DOCK3: variants seen among roughly 807,000 people sequenced by gnomAD.
DOCK3 encodes dedicator of cytokinesis protein 3.
A neutral mutation model predicts 265.6 loss-of-function variants in DOCK3; 60 were observed. The observed-to-expected ratio is 0.23, with a 90% CI of 0.18 to 0.28. The LOEUF (loss-of-function observed/expected upper bound fraction) is 0.28. Among genes scored for constraint, DOCK3 ranks in the 10% least tolerant of loss-of-function variants. The probability of loss-of-function intolerance (pLI) is 1.00; values close to 1 mark genes in which losing one functional copy is unlikely to be tolerated. For missense variants in DOCK3, 1,981 were observed against 2,594.3 expected, an observed-to-expected ratio of 0.76 and a Z score of 5.14; for synonymous variants, 881 against 938.0, an observed-to-expected ratio of 0.94 and a Z score of 1.11.
chr3:50,905,563 T>A (rs1414988530), intron 4 of DOCK3, among the ~76,000 whole-genome samples: 1 of 152,144 alleles, frequency 6.6e-6, no homozygotes, highest in Non-Finnish European at 1.5e-5. Flanking sequence ...GCTCTCTGTT[T>A]GTCTGTTATT....
At chr3:50,939,901 G>T (rs1482371699) in intron 5 of DOCK3, among the ~76,000 whole-genome samples, 1 of 152,062 alleles carries the variant, frequency 6.6e-6, no homozygotes, top group Non-Finnish European at 1.5e-5. Flanking sequence ...AGATAGAAAG[G>T]AATAAATAAA....
chr3:50,824,149 G>C (rs1355396898), intron 2 of DOCK3, among the ~76,000 whole-genome samples: 2 of 151,970 alleles, frequency 1.3e-5, no homozygotes, highest in East Asian at 3.9e-4. Context: ...GGTTGTATGG[G>C]GCTTGCTCTT....
intron 1 of DOCK3, among the ~76,000 whole-genome samples, chr3:50,765,446 AC>A (rs2040817598): frequency 6.6e-6 from 1 of 152,044 alleles, no homozygotes; most frequent in Admixed American, 6.6e-5. Context: ...CAGTCTATTA[AC>A]TTGTAGATTT....
At chr3:50,766,320 T>C (rs1490090541) in intron 1 of DOCK3, among the ~76,000 whole-genome samples, 1 of 133,436 alleles carries the variant, frequency 7.5e-6, no homozygotes, top group Non-Finnish European at 1.5e-5. Context: ...CCCCTTCCTA[T>C]GTCCAAGTGT....
At chr3:50,974,740 AT>A (rs1289019949) in intron 5 of DOCK3, among the ~76,000 whole-genome samples, 1 of 126,256 alleles carries the variant, frequency 7.9e-6, no homozygotes, top group Non-Finnish European at 1.7e-5. Flanking sequence ...CAGTATGGCC[AT>A]TTTCACGATA....
rs932195883 is a variant in DOCK3 at position 51,124,403 on chromosome 3, T to G, written c.747-22146T>G. ...AAATGTGGCTAATGTGACTGAGTCT[T>G]TAACTTTATTTAATTTTAATATAAA... On this transcript the variant is annotated intron_variant, in intron 9 of 52. Coordinates refer to ENST00000266037, the MANE Select transcript of DOCK3 (RefSeq NM_004947.5). Among the ~76,000 whole-genome samples, 3 of 152,152 alleles carry G rather than the reference T, an allele frequency of 2.0e-5. No individual in the cohort carries two copies. In the East Asian group the frequency reaches 5.8e-4, roughly 29 times the overall value.
intron 48 of DOCK3, among the ~76,000 whole-genome samples, chr3:51,362,210 G>T (rs376640093): frequency 9.2e-5 from 14 of 152,142 alleles, no homozygotes; most frequent in African/African-American, 3.4e-4. Context: ...AGAAAATCCA[G>T]CTTCAGTCCT....
chr3:50,997,750 A>G (rs1575712958), intron 5 of DOCK3, among the ~76,000 whole-genome samples: 1 of 152,246 alleles, frequency 6.6e-6, no homozygotes, highest in South Asian at 2.1e-4. Flanking sequence ...ATGTTGGAAA[A>G]ATAACTGGCT....
intron 1 of DOCK3, among the ~76,000 whole-genome samples, chr3:50,767,874 T>C (rs904886340): frequency 6.7e-6 from 1 of 149,918 alleles, no homozygotes; most frequent in African/African-American, 2.5e-5. Flanking sequence ...TTATTCTCTT[T>C]GAAGCAGTTG....
intron 13 of DOCK3, among the ~76,000 whole-genome samples, chr3:51,211,375 T>A (rs1370841689): frequency 1.3e-5 from 2 of 152,116 alleles, no homozygotes; most frequent in Non-Finnish European, 2.9e-5. Flanking sequence ...TTAATTTTTT[T>A]TTATTATTAT....
chr3:50,841,256 G>T (rs2045807671), intron 2 of DOCK3, among the ~76,000 whole-genome samples: 1 of 152,226 alleles, frequency 6.6e-6, no homozygotes, highest in Non-Finnish European at 1.5e-5. Flanking sequence ...GGAAGGCAAA[G>T]AAATGAGAGT....
intron 35 of DOCK3, 30 bp downstream of exon 35, chr3:51,333,283 C>G (rs1359892679): frequency 6.2e-7 from 1 of 1,601,388 alleles, no homozygotes; most frequent in Non-Finnish European, 8.5e-7. Flanking sequence ...CTCCCCTCTT[C>G]CCTTGTCAGG....
chr3:51,379,979 TA>T, intron 51 of DOCK3, 145 bp from the exon 52 acceptor site: 1 of 624,716 alleles, frequency 1.6e-6, no homozygotes, highest in East Asian at 3.1e-5. Flanking sequence ...AAGGCCAGTG[TA>T]AAGAGAGGTT....
chr3:51,277,084 C>A (rs1370215188), intron 25 of DOCK3, among the ~76,000 whole-genome samples: 1 of 151,990 alleles, frequency 6.6e-6, no homozygotes, highest in Non-Finnish European at 1.5e-5. Flanking sequence ...TCCCGGCTGG[C>A]AAAAATTGAG....
At chr3:50,740,319 G>T (rs1170122537) in intron 1 of DOCK3, among the ~76,000 whole-genome samples, 1 of 152,048 alleles carries the variant, frequency 6.6e-6, no homozygotes, top group Non-Finnish European at 1.5e-5. Context: ...AAATAAAGCT[G>T]CTGTGAACAC....
chr3:51,170,941 CAAA>C (rs146911259), intron 12 of DOCK3, among the ~76,000 whole-genome samples: 16 of 60,040 alleles, frequency 2.7e-4, no homozygotes, highest in Admixed American at 7.9e-4. Flanking sequence ...GACTCCATCT[CAAA>C]AAAAAAAAAA....
chr3:50,988,152 T>G (rs1284962285), intron 5 of DOCK3, among the ~76,000 whole-genome samples: 1 of 152,168 alleles, frequency 6.6e-6, no homozygotes, highest in African/African-American at 2.4e-5. Context: ...GAGAGGGAGC[T>G]GCCATCTTTG....
chr3:51,234,640 T>A (rs1178164086), intron 19 of DOCK3, among the ~76,000 whole-genome samples: 3 of 152,236 alleles, frequency 2.0e-5, no homozygotes, highest in African/African-American at 4.8e-5. Flanking sequence ...CTCTAAATAC[T>A]GCTCATTAAC....
At chr3:51,166,466 C>G (rs1291216604) in intron 12 of DOCK3, among the ~76,000 whole-genome samples, 1 of 152,114 alleles carries the variant, frequency 6.6e-6, no homozygotes. Flanking sequence ...ATAGTGATTT[C>G]TTTTTCTTTG....
Sources: gnomAD v4.1 joint callset for allele counts (sites outside exome capture counted in the v4.1 genomes callset) on GRCh38, gnomAD v4.1.1 for gene constraint, MANE v1.5 for transcripts, NCBI Gene and HGNC (gene_info 2026-07-23, HGNC 2026-07-21) for gene names.